HGF: variants seen among roughly 807,000 people sequenced by gnomAD.
The protein encoded by HGF is hepatocyte growth factor.
In HGF, 39 loss-of-function variants were observed where a neutral mutation model predicts 111.6. The observed-to-expected ratio is 0.35, with a 90% CI of 0.27 to 0.46. The LOEUF (loss-of-function observed/expected upper bound fraction) is 0.46. HGF is among the 20% of genes least tolerant of loss of function. The pLI, the probability that HGF is intolerant of heterozygous loss-of-function variation, is 1.00. For synonymous variants in HGF, 285 were observed against 294.8 expected, an observed-to-expected ratio of 0.97 and a Z score of 0.34; for missense variants, 735 against 910.5, an observed-to-expected ratio of 0.81 and a Z score of 2.48.
At chr7:81,742,982 T>C in intron 7 of HGF, 1 of 1,605,848 alleles carries the variant, frequency 6.2e-7, no homozygotes. Flanking sequence ...GGATACAGGA[T>C]TGGAAGGTAA....
chr7:81,746,301 A>G (rs1368153785), intron 5 of HGF, among the ~76,000 whole-genome samples: 1 of 152,142 alleles, frequency 6.6e-6, no homozygotes, highest in Admixed American at 6.6e-5. Context: ...TTCATTTGAT[A>G]CTGAGATTTT....
At chr7:81,767,792 A>G (rs567809030) in intron 1 of HGF, among the ~76,000 whole-genome samples, 1 of 152,238 alleles carries the variant, frequency 6.6e-6, no homozygotes, top group African/African-American at 2.4e-5. Flanking sequence ...ATATAAATTC[A>G]TAGAATAAAT....
At chr7:81,748,541 G>A (rs1788365979) in intron 5 of HGF, among the ~76,000 whole-genome samples, 1 of 152,194 alleles carries the variant, frequency 6.6e-6, no homozygotes, top group Admixed American at 6.5e-5. Context: ...GTGAAACCAA[G>A]TCCATGTATT....
chr7:81,753,270 T>A (rs1333212313), intron 4 of HGF, among the ~76,000 whole-genome samples: 2 of 152,090 alleles, frequency 1.3e-5, no homozygotes, highest in African/African-American at 2.4e-5. Flanking sequence ...GATATTGCAT[T>A]TGTCTGCCAG....
intron 13 of HGF, among the ~76,000 whole-genome samples, chr7:81,708,603 C>G (rs1357857642): frequency 7.8e-6 from 1 of 127,446 alleles, no homozygotes; most frequent in Non-Finnish European, 1.6e-5. Context: ...GCCACCATGC[C>G]CGGCTAATTT....
In HGF at chr7:81,705,381, C is replaced by T. The variant is rs201730498; in HGVS notation, c.2010+9G>A. The stretch of plus-strand genomic sequence containing the variant: ...TCACATACTCCTTATTAAAGAACTT[C>T]CTTTTTACCTCACATGGTCCTGATC... On this transcript the variant is annotated intron_variant, in intron 17 of 17. Coordinates refer to ENST00000222390, the MANE Select transcript of HGF (RefSeq NM_000601.6). The T allele has an allele frequency of 1.1e-5, 18 of 1,611,600 alleles. No homozygotes were observed. The highest frequency in any genetic ancestry group is 1.1e-5 in the South Asian group (1 of 91,028).
At chr7:81,769,604 A>G (rs1171438497) in intron 1 of HGF, among the ~76,000 whole-genome samples, 1 of 152,176 alleles carries the variant, frequency 6.6e-6, no homozygotes, top group Non-Finnish European at 1.5e-5. Flanking sequence ...CTTCCTCCCT[A>G]TCTCATAATC....
In HGF at chr7:81,710,197, A is replaced by G; in HGVS notation, c.1491T>C (p.Asn497=). 1 of 1,613,688 alleles carries G rather than the reference A, an allele frequency of 6.2e-7. No homozygotes were observed. The highest frequency in any genetic ancestry group is 8.5e-7 in the Non-Finnish European group (1 of 1,179,660). Residue 497 remains asparagine, a synonymous_variant, in exon 13 of 18, where the codon AAT becomes AAC. Coordinates refer to ENST00000222390, the MANE Select transcript of HGF (RefSeq NM_000601.6). ...CTATGTTTGTTCGTGTTGGAATCCC[A>G]TTTACAACTCGCAATTGTTTCGTTT... is the stretch of plus-strand genomic sequence containing the variant. ...CAKTKQLRVV[N]GIPTRTNIGW...
chr7:81,706,439 G>GA lies in HGF; in HGVS notation c.1617-13dup, dbSNP rs1016842501. 1.2e-6 allele frequency: 2 copies of GA among 1,603,248 alleles called. No homozygotes were observed. Among genetic ancestry groups the GA allele is most frequent in the Non-Finnish European group, 1.7e-6 (2 of 1,171,046 alleles). ...AATCTTTCAAGTCTCTGTTTTGAAG[G>GA]AAAAAAATTTAAATGTAAAACATAA... On this transcript the variant is annotated splice_polypyrimidine_tract_variant and intron_variant, in intron 14 of 17. Coordinates refer to ENST00000222390, the MANE Select transcript of HGF (RefSeq NM_000601.6).
chr7:81,700,620 AC>A lies in HGF; in HGVS notation c.*1960del, dbSNP rs1789255095. On this transcript the variant is annotated 3_prime_UTR_variant, in exon 18 of 18. Coordinates refer to ENST00000222390, the MANE Select transcript of HGF (RefSeq NM_000601.6). Reference sequence around the variant, plus strand: ...AATTTCACTGGTTCAGCCAGAAGAAACTATGAAATATACTTTATATTTTGGC... The same window carrying A: ...AATTTCACTGGTTCAGCCAGAAGAAATATGAAATATACTTTATATTTTGGC... 1 of 151,600 alleles carries A rather than the reference AC, an allele frequency of 6.6e-6. No homozygotes were observed. The highest frequency in any genetic ancestry group is 1.5e-5 in the Non-Finnish European group (1 of 67,666). 9.4% of individuals were successfully genotyped at this position (151,600 alleles called of 1,614,324 possible).
rs1788463767 is a variant in HGF at position 81,750,846 on chromosome 7, G to A, written c.625+1274C>T. ...TTTTTTCTTCCATGTGCAAGTTTAA[G>A]ACAAATATTAATTCGTTCAGACTTA... On this transcript the variant is annotated intron_variant, in intron 5 of 17. Transcript: ENST00000222390. 7.3e-6 allele frequency: 4 copies of A among 548,120 alleles called. No individual in the cohort carries two copies. The South Asian group carries it at 2.5e-4, about 34-fold the overall frequency. 34.0% of individuals were successfully genotyped at this position (548,120 alleles called of 1,614,324 possible). A position where few individuals can be genotyped will look rare whatever the true frequency, so the allele number is the denominator to read the frequency against.
chr7:81,730,685 C>T (rs1339590461), intron 7 of HGF, among the ~76,000 whole-genome samples: 2 of 152,082 alleles, frequency 1.3e-5, no homozygotes, highest in African/African-American at 2.4e-5. Context: ...GTCTCTCTCT[C>T]TCTCTGTAAT....
Position 81,769,887 on chromosome 7 carries a change from C to A in HGF, c.85G>T (p.Ala29Ser), listed in dbSNP as rs1789545016. The A allele has an allele frequency of 6.4e-7, 1 of 1,563,574 alleles. No individual in the cohort carries two copies. The highest frequency in any genetic ancestry group is 8.7e-7 in the Non-Finnish European group (1 of 1,152,772). Residue 29 changes from alanine to serine, a missense_variant, in exon 1 of 18, where the codon GCA becomes TCA. Around this residue, in one of 3 missense-constraint regions of HGF, gnomAD observed 553 missense variants for 685.6 expected, o/e 0.81. Transcript: ENST00000222390. ...GAAGAAGAAGAAGGGAACTAACCTG[C>A]ATAGGGGATGGCGATGGGGAGCAGG... ...LLLLPIAIPY[A>S]EGQRKRRNTI...
intron 4 of HGF, among the ~76,000 whole-genome samples, chr7:81,754,132 C>G (rs1788640336): frequency 6.6e-6 from 1 of 151,886 alleles, no homozygotes; most frequent in Non-Finnish European, 1.5e-5. Flanking sequence ...TCATAAAACC[C>G]ATACGGTTGC....
chr7:81,756,789 T>G (rs991778462), intron 4 of HGF: 65 of 220,746 alleles, frequency 2.9e-4, no homozygotes, highest in Middle Eastern at 1.8e-3. Flanking sequence ...GTGCAACCAA[T>G]GTTGAGATCC....
chr7:81,758,695 T>G lies in HGF; in HGVS notation c.364A>C (p.Lys122Gln), dbSNP rs1788906903. 6.4e-7 allele frequency: 1 copy of G among 1,569,178 alleles called. No homozygotes were observed. Among genetic ancestry groups the G allele is most frequent in the African/African-American group, 1.4e-5 (1 of 73,590 alleles). ...TATTTAGGGAGAAGTCAGTTACCTT[T>G]GTTTTCATAGAGGTCAAATTCATGG... is the stretch of plus-strand genomic sequence containing the variant. Reference protein sequence around the residue: ...FGHEFDLYENKDYIRNCIIGK... With the variant: ...FGHEFDLYENQDYIRNCIIGK... The change falls in exon 3 of 18, where the codon AAA becomes CAA. Residue 122 changes from lysine to glutamine, a missense_variant. Transcript: ENST00000222390.
intron 7 of HGF, chr7:81,742,575 C>T: frequency 4.8e-6 from 2 of 414,400 alleles, no homozygotes; most frequent in Non-Finnish European, 6.9e-6. Context: ...AAAAATTAGC[C>T]CTGTATTCAA....
chr7:81,750,531 A>G (rs1788448269), intron 5 of HGF, among the ~76,000 whole-genome samples: 2 of 152,200 alleles, frequency 1.3e-5, no homozygotes, highest in Admixed American at 6.5e-5. Flanking sequence ...AGAATAACTG[A>G]AAATAGGATT....
Position 81,716,167 on chromosome 7 carries a change from T to G in HGF, c.1405+1065A>C, listed in dbSNP as rs138450556. Among the ~76,000 whole-genome samples, 6 of 152,236 alleles carry G rather than the reference T, an allele frequency of 3.9e-5. No individual in the cohort carries two copies. In the South Asian group the frequency reaches 8.3e-4, roughly 21 times the overall value. On this transcript the variant is annotated intron_variant, in intron 11 of 17. Transcript: ENST00000222390. Reference sequence around the variant, plus strand: ...GACATTGGCAATGTCTAGAGATAGTTTTGATTGTCACGACTTGGGGCAGGT... The same window carrying G: ...GACATTGGCAATGTCTAGAGATAGTGTTGATTGTCACGACTTGGGGCAGGT...
Sources: gnomAD v4.1 joint callset for allele counts (sites outside exome capture counted in the v4.1 genomes callset) on GRCh38, gnomAD v4.1.1 for gene constraint, gnomAD v4.1.1 regional missense constraint, MANE v1.5 for transcripts, NCBI Gene and HGNC (gene_info 2026-07-23, HGNC 2026-07-21) for gene names.